KDM2A: variants seen among roughly 807,000 people sequenced by gnomAD.
KDM2A encodes lysine-specific demethylase 2A.
Under a neutral mutation model 137.3 loss-of-function variants are expected in KDM2A, and 3 were observed. The ratio of observed to expected loss-of-function variants is 0.02; its 90% CI spans 0.01 to 0.06. The LOEUF is 0.06. Among genes scored for constraint, KDM2A ranks in the 10% least tolerant of loss-of-function variants. KDM2A has a pLI of 1.00. For missense variants in KDM2A, 738 were observed against 1,510.6 expected (o/e 0.49, Z 8.48); for synonymous variants, 512 against 541.5 (o/e 0.95, Z 0.76).
intron 6 of KDM2A, among the ~76,000 whole-genome samples, chr11:67,208,811 G>A (rs1234170276): frequency 6.6e-6 from 1 of 151,776 alleles, no homozygotes; most frequent in Admixed American, 6.6e-5. Flanking sequence ...AGGCATGGTG[G>A]CTCACATTTG....
intron 5 of KDM2A, among the ~76,000 whole-genome samples, chr11:67,195,393 AAGTTG>A (rs1284743622): frequency 6.6e-6 from 1 of 151,460 alleles, no homozygotes; most frequent in Non-Finnish European, 1.5e-5. Context: ...AAAAAAAAAA[AAGTTG>A]AATAACATTA....
Position 67,245,515 on chromosome 11 carries a change from GAA to G in KDM2A, c.1833+59_1833+60del. 1 of 1,569,850 alleles carries G rather than the reference GAA, an allele frequency of 6.4e-7. No individual in the cohort carries two copies. Among genetic ancestry groups the G allele is most frequent in the Non-Finnish European group, 8.7e-7 (1 of 1,144,392 alleles). ...GAGGGGTGGCAGTGCCAAAGGAACT[GAA>G]ATACATATAGTGTAGAGTTAAAGAG... On this transcript the variant is annotated intron_variant, in intron 14 of 20. Coordinates refer to ENST00000529006, the MANE Select transcript of KDM2A (RefSeq NM_012308.3). The surrounding 1 kb of genome is among the most constrained non-coding windows in gnomAD (Gnocchi z 4.1).
At chr11:67,176,787 A>G (rs1407725563) in intron 2 of KDM2A, among the ~76,000 whole-genome samples, 1 of 152,188 alleles carries the variant, frequency 6.6e-6, no homozygotes, top group African/African-American at 2.4e-5. Context: ...AATATGGTAT[A>G]AAAGGCAAAA....
Position 67,142,077 on chromosome 11 carries a change from C to T in KDM2A, c.42+20719C>T, listed in dbSNP as rs539444712. On this transcript the variant is annotated intron_variant, in intron 2 of 20. Coordinates refer to ENST00000529006, the MANE Select transcript of KDM2A (RefSeq NM_012308.3). ...TTTTTGAGACGGAGTCTTGCTGTGT[C>T]GTCCAGGCTGGAGTGCAGTGGCACG... Among the ~76,000 whole-genome samples, 8 of 152,028 alleles carry T rather than the reference C, an allele frequency of 5.3e-5. 1 individual carries two copies. The South Asian group carries it at 1.2e-3, about 24-fold the overall frequency.
intron 2 of KDM2A, among the ~76,000 whole-genome samples, chr11:67,160,661 C>T (rs1856614160): frequency 6.6e-6 from 1 of 152,122 alleles, no homozygotes; most frequent in African/African-American, 2.4e-5. Flanking sequence ...ATCTCAACTA[C>T]TCAGGAGGCT....
At chr11:67,199,280 C>T (rs1011255842) in intron 5 of KDM2A, among the ~76,000 whole-genome samples, 1 of 152,140 alleles carries the variant, frequency 6.6e-6, no homozygotes, top group African/African-American at 2.4e-5. Context: ...TAACACATGG[C>T]CTCTTAAGTG....
intron 5 of KDM2A, among the ~76,000 whole-genome samples, chr11:67,199,451 A>T (rs967892958): frequency 6.6e-6 from 1 of 152,240 alleles, no homozygotes; most frequent in Non-Finnish European, 1.5e-5. Flanking sequence ...GAAAATTAAA[A>T]GTGCTACTCC....
chr11:67,170,572 C>T (rs1005692587), intron 2 of KDM2A, among the ~76,000 whole-genome samples: 2 of 151,758 alleles, frequency 1.3e-5, no homozygotes, highest in Middle Eastern at 3.2e-3. Context: ...GCTACCACAC[C>T]GGGCTAATAT....
intron 2 of KDM2A, among the ~76,000 whole-genome samples, chr11:67,139,119 C>T (rs898335822): frequency 1.3e-5 from 2 of 152,100 alleles, no homozygotes; most frequent in East Asian, 1.9e-4. Context: ...ATTTAAATAA[C>T]CTTCAGTGAG....
intron 2 of KDM2A, among the ~76,000 whole-genome samples, chr11:67,130,897 C>A (rs1855840069): frequency 6.7e-6 from 1 of 150,200 alleles, no homozygotes; most frequent in Admixed American, 6.7e-5. Context: ...GAGAGAGAGG[C>A]CCAGGGAGGG....
chr11:67,211,112 G>C (rs961927099), intron 6 of KDM2A, among the ~76,000 whole-genome samples: 17 of 152,050 alleles, frequency 1.1e-4, no homozygotes, highest in Admixed American at 1.1e-3. Flanking sequence ...TGTTGTTGCT[G>C]TTTCTATTGG....
rs571329881 is a variant in KDM2A at position 67,236,887 on chromosome 11, G to A, written c.1479+4927G>A. Among the ~76,000 whole-genome samples the A allele has an allele frequency of 1.8e-4, 27 of 152,238 alleles. No individual in the cohort carries two copies. In the East Asian group the frequency reaches 3.5e-3, roughly 20 times the overall value. ...GTTAAGGAAACTATGCAGACATGCC[G>A]TGGTCCTAGCCCTCAAGAGCCTTAG... On this transcript the variant is annotated intron_variant, in intron 12 of 20. Transcript: ENST00000529006.
rs544143044 is a variant in KDM2A, at chr11:67,185,820, A to G, written c.307+3928A>G. Among the ~76,000 whole-genome samples, 6 of 151,990 alleles carry G rather than the reference A, an allele frequency of 3.9e-5. No homozygotes were observed. The East Asian group carries it at 1.2e-3, about 29-fold the overall frequency. On this transcript the variant is annotated intron_variant, in intron 5 of 20. Transcript: ENST00000529006. Reference sequence around the variant, plus strand: ...CCTTCGTGCTTTCTCTCATTCTCTTACTGTCTCGCTTTTCACCATGTGATG... The same window carrying G: ...CCTTCGTGCTTTCTCTCATTCTCTTGCTGTCTCGCTTTTCACCATGTGATG...
chr11:67,132,213 C>T (rs945992211), intron 2 of KDM2A: 2 of 152,222 alleles, frequency 1.3e-5, no homozygotes, highest in South Asian at 2.1e-4. Flanking sequence ...TTGAGGGGCA[C>T]TGCTGATAAC....
intron 5 of KDM2A, chr11:67,195,663 A>C (rs945453294): frequency 6.3e-6 from 1 of 158,760 alleles, no homozygotes; most frequent in Admixed American, 6.2e-5. Context: ...TTCATGCTCT[A>C]TGCAGTCTGT....
At chr11:67,120,554 G>A (rs1002907593) in intron 1 of KDM2A, among the ~76,000 whole-genome samples, 3 of 152,140 alleles carry the variant, frequency 2.0e-5, no homozygotes, top group African/African-American at 7.2e-5. Context: ...AGATGCAATC[G>A]TTTATTTTAT....
At chr11:67,168,582 T>TAATAAACACACACAC (rs879358615) in intron 2 of KDM2A, among the ~76,000 whole-genome samples, 2 of 33,984 alleles carry the variant, frequency 5.9e-5, no homozygotes, top group African/African-American at 2.7e-4. Flanking sequence ...GTATGAATTA[T>TAATAAACACACACAC]ACACACACAC....
intron 2 of KDM2A, among the ~76,000 whole-genome samples, chr11:67,171,199 T>C (rs941797892): frequency 4.6e-5 from 7 of 152,276 alleles, no homozygotes; most frequent in African/African-American, 1.7e-4. Flanking sequence ...TTGTGATACA[T>C]AGAAGTTGAG....
At chr11:67,124,334 T>C (rs1052826665) in intron 2 of KDM2A, among the ~76,000 whole-genome samples, 1 of 148,478 alleles carries the variant, frequency 6.7e-6, no homozygotes, top group African/African-American at 2.5e-5. Flanking sequence ...TTTTTTGAAA[T>C]GGAGACTCAC....
Sources: allele counts gnomAD v4.1 joint callset (sites outside exome capture counted in the v4.1 genomes callset), GRCh38; gene constraint gnomAD v4.1.1; non-coding constraint Gnocchi (gnomAD v3.1); transcripts MANE v1.5; gene names NCBI Gene and HGNC (gene_info 2026-07-23, HGNC 2026-07-21).